The following LRP6 variants were observed in gnomAD, a reference collection of about 807,000 sequenced individuals.
LRP6 encodes LDL receptor related protein 6.
Under a neutral mutation model 184.1 loss-of-function variants are expected in LRP6, and 43 were observed. That is an observed-to-expected ratio of 0.23 (90% CI 0.18 to 0.30). The LOEUF is 0.30. Among genes scored for constraint, LRP6 ranks in the 10% least tolerant of loss-of-function variants. LRP6 has a pLI of 1.00. For synonymous variants in LRP6, 719 were observed against 684.9 expected, an observed-to-expected ratio of 1.05 and a Z score of -0.78; for missense variants, 1,571 against 2,005.3, an observed-to-expected ratio of 0.78 and a Z score of 4.14.
chr12:12,257,671 G>A (rs1364046387), intron 1 of LRP6, among the ~76,000 whole-genome samples: 7 of 144,628 alleles, frequency 4.8e-5, no homozygotes, highest in African/African-American at 1.7e-4. Context: ...GCCAGGCATG[G>A]TGGCTCATGC....
At chr12:12,174,759 G>C (rs1863129080) in intron 7 of LRP6, among the ~76,000 whole-genome samples, 2 of 152,172 alleles carry the variant, frequency 1.3e-5, no homozygotes, top group South Asian at 4.1e-4. Context: ...CTTAGAATAT[G>C]AAACAGAACA....
At chr12:12,181,553 C>G (rs911734243) in intron 5 of LRP6, 114 bp from the exon 6 acceptor site, 1 of 711,612 alleles carries the variant, frequency 1.4e-6, no homozygotes, top group African/African-American at 1.8e-5. Flanking sequence ...TAAATTAACA[C>G]AAAAGGATGT....
intron 12 of LRP6, among the ~76,000 whole-genome samples, chr12:12,156,078 G>A (rs539252306): frequency 6.6e-6 from 1 of 152,158 alleles, no homozygotes; most frequent in Admixed American, 6.5e-5. Context: ...AAATAGTAGA[G>A]TATATAAATT....
chr12:12,226,765 G>C (rs948054935), intron 2 of LRP6: 1 of 152,174 alleles, frequency 6.6e-6, no homozygotes, highest in South Asian at 2.1e-4. Context: ...TTCGTGAAGC[G>C]TTAGTATTTT....
chr12:12,205,325 C>CAAAAAAAAAAAAAAAAAAAAAA (rs1334062234), intron 2 of LRP6, among the ~76,000 whole-genome samples: 3 of 26,228 alleles, frequency 1.1e-4, no homozygotes, highest in African/African-American at 1.9e-4. Flanking sequence ...CTGTCTCAAA[C>CAAAAAAAAAAAAAAAAAAAAAA]AAACAAAAAA....
chr12:12,172,608 A>G (rs1377341110), intron 7 of LRP6, among the ~76,000 whole-genome samples: 1 of 152,232 alleles, frequency 6.6e-6, no homozygotes, highest in East Asian at 1.9e-4. Flanking sequence ...CTCCTCTTCT[A>G]ATGTTCCAGA....
At chr12:12,225,888 A>G (rs1864610758) in intron 2 of LRP6, among the ~76,000 whole-genome samples, 1 of 150,634 alleles carries the variant, frequency 6.6e-6, no homozygotes. Context: ...AAAAAAAAAG[A>G]GAGAGACCTG....
At chr12:12,212,586 A>T (rs868040726) in intron 2 of LRP6, among the ~76,000 whole-genome samples, 20 of 152,144 alleles carry the variant, frequency 1.3e-4, no homozygotes, top group Admixed American at 5.2e-4. Flanking sequence ...TTTCCATAGC[A>T]AAACTTATAG....
intron 22 of LRP6, among the ~76,000 whole-genome samples, chr12:12,122,382 A>C (rs1313946483): frequency 6.6e-6 from 1 of 152,222 alleles, no homozygotes; most frequent in East Asian, 1.9e-4. Context: ...CATCAAAGTG[A>C]CTACAAGAGA....
intron 15 of LRP6, among the ~76,000 whole-genome samples, chr12:12,143,376 G>A (rs902615425): frequency 6.6e-6 from 1 of 152,054 alleles, no homozygotes; most frequent in Admixed American, 6.6e-5. Context: ...GAACATCTTA[G>A]TATGTGATTT....
chr12:12,227,554 C>A (rs1173440129), intron 2 of LRP6, among the ~76,000 whole-genome samples: 1 of 151,834 alleles, frequency 6.6e-6, no homozygotes, highest in African/African-American at 2.4e-5. Context: ...ATTACAGGCA[C>A]GCACCACCAT....
At chr12:12,170,544 A>G (rs1359208846) in intron 7 of LRP6, among the ~76,000 whole-genome samples, 1 of 152,022 alleles carries the variant, frequency 6.6e-6, no homozygotes, top group African/African-American at 2.4e-5. Flanking sequence ...GCAGAGCCAC[A>G]TGTAATTAGT....
chr12:12,158,333 C>CAT (rs1555108164), intron 12 of LRP6, among the ~76,000 whole-genome samples: 8 of 150,704 alleles, frequency 5.3e-5, no homozygotes, highest in African/African-American at 1.7e-4. Flanking sequence ...TTAATTTTTC[C>CAT]TTTTTTTTTG....
In LRP6 at chr12:12,159,908, T is replaced by C. The variant is rs1343597379; in HGVS notation, c.2336A>G (p.Asp779Gly). 1 of 1,614,052 alleles carries C rather than the reference T, an allele frequency of 6.2e-7. No individual in the cohort carries two copies. Among genetic ancestry groups the C allele is most frequent in the Non-Finnish European group, 8.5e-7 (1 of 1,179,964 alleles). Residue 779 changes from aspartate to glycine, a missense_variant, in exon 11 of 23, where the codon GAT becomes GGT. Asp to Gly is a moderately conservative substitution (Grantham distance 94, BLOSUM62 -1). This residue lies in a region of LRP6 where 158 missense variants were observed against 258.4 expected (regional missense o/e 0.61). Coordinates refer to ENST00000261349, the MANE Select transcript of LRP6 (RefSeq NM_002336.3). ...AACTAAGGTAGTACGTTCACTTCCA[T>C]CCATTGCAGCTCTGTCTATCTTAGG... ...GKPKIDRAAM[D>G]GSERTTLVPN...
chr12:12,190,068 G>T (rs1428740812), intron 3 of LRP6, among the ~76,000 whole-genome samples: 2 of 152,282 alleles, frequency 1.3e-5, no homozygotes, highest in East Asian at 3.9e-4. Flanking sequence ...AAAATTAAAT[G>T]TTTTTAAGAA....
At chr12:12,191,798 G>A (rs546985274) in intron 3 of LRP6, among the ~76,000 whole-genome samples, 5 of 150,956 alleles carry the variant, frequency 3.3e-5, no homozygotes, top group South Asian at 2.1e-4. Context: ...TGAAGTCTAC[G>A]AAATAAGAAT....
rs768506916 is a variant in LRP6 at position 12,208,277 on chromosome 12, A to T, written c.450-4877T>A. ...CACAGTTACTGGGGAGGAGTAAGGG[A>T]TTGACTGTAAAGGGGCTTAAGGCAC... is the stretch of plus-strand genomic sequence containing the variant. On this transcript the variant is annotated intron_variant, in intron 2 of 22. Coordinates refer to ENST00000261349, the MANE Select transcript of LRP6 (RefSeq NM_002336.3). 2.4e-4 allele frequency among the ~76,000 whole-genome samples: 36 copies of T among 152,338 alleles called. No individual in the cohort carries two copies. The Middle Eastern group carries it at 0.02, about 86-fold the overall frequency.
intron 1 of LRP6, among the ~76,000 whole-genome samples, chr12:12,258,045 C>T (rs763574278): frequency 1.6e-4 from 25 of 151,782 alleles, no homozygotes; most frequent in South Asian, 4.2e-4. Context: ...ATAGTCCACA[C>T]CTTGAATTCA....
chr12:12,254,945 G>A (rs1478865006), intron 1 of LRP6, among the ~76,000 whole-genome samples: 1 of 152,088 alleles, frequency 6.6e-6, no homozygotes, highest in Non-Finnish European at 1.5e-5. Flanking sequence ...GTCTCAAGAG[G>A]CATTTTAAAG....
Sources: allele counts gnomAD v4.1 joint callset (sites outside exome capture counted in the v4.1 genomes callset), GRCh38; gene constraint gnomAD v4.1.1; regional missense constraint gnomAD v4.1.1; transcripts MANE v1.5; gene names NCBI Gene and HGNC (gene_info 2026-07-23, HGNC 2026-07-21).